PSMD1: variants seen among roughly 807,000 people sequenced by gnomAD.
The protein encoded by PSMD1 is proteasome 26S subunit, non-ATPase 1, also known as 26S proteasome non-ATPase regulatory subunit 1.
PSMD1 carries 18 observed loss-of-function variants against 119.0 expected under a neutral mutation model. The ratio of observed to expected loss-of-function variants is 0.15; its 90% CI spans 0.10 to 0.22. The LOEUF (loss-of-function observed/expected upper bound fraction) is 0.22, where lower values mean the gene tolerates loss of function less well. Among genes scored for constraint, PSMD1 ranks in the 10% least tolerant of loss-of-function variants. The probability of loss-of-function intolerance (pLI) is 1.00; values close to 1 mark genes in which losing one functional copy is unlikely to be tolerated. For missense variants in PSMD1, 702 were observed against 1,158.5 expected, an observed-to-expected ratio of 0.61 and a Z score of 5.72; for synonymous variants, 374 against 396.6, an observed-to-expected ratio of 0.94 and a Z score of 0.68.
intron 16 of PSMD1, chr2:231,123,849 A>G: frequency 1.8e-6 from 2 of 1,084,804 alleles, no homozygotes; most frequent in Non-Finnish European, 2.8e-6. Flanking sequence ...TTTTTAAGGC[A>G]TTGTAACCAT....
At chr2:231,145,631 C>T (rs957990455) in intron 17 of PSMD1, among the ~76,000 whole-genome samples, 5 of 152,002 alleles carry the variant, frequency 3.3e-5, no homozygotes, top group South Asian at 2.1e-4. Flanking sequence ...CAGTGGCTCA[C>T]GCCTATAATC....
intron 23 of PSMD1, among the ~76,000 whole-genome samples, chr2:231,167,791 C>G (rs757687542): frequency 5.9e-5 from 9 of 152,158 alleles, no homozygotes; most frequent in Non-Finnish European, 8.8e-5. Flanking sequence ...TCCTCCAACT[C>G]AACAATAAAA....
At chr2:231,106,408 C>T (rs1694975566) in intron 16 of PSMD1, among the ~76,000 whole-genome samples, 2 of 152,080 alleles carry the variant, frequency 1.3e-5, no homozygotes, top group Non-Finnish European at 2.9e-5. Context: ...AGCTTGGGGC[C>T]AGGAGTGGAG....
intron 19 of PSMD1, among the ~76,000 whole-genome samples, chr2:231,159,504 C>A (rs752668051): frequency 3.3e-5 from 5 of 152,238 alleles, no homozygotes; most frequent in Non-Finnish European, 7.3e-5. Context: ...CCCCCAGTAA[C>A]AAGCTCCCTT....
At chr2:231,091,978 T>C (rs922033064) in intron 16 of PSMD1, among the ~76,000 whole-genome samples, 1 of 152,184 alleles carries the variant, frequency 6.6e-6, no homozygotes, top group African/African-American at 2.4e-5. Context: ...TGCAAGAATC[T>C]TTTGATCTGT....
intron 16 of PSMD1, among the ~76,000 whole-genome samples, chr2:231,088,261 A>G (rs2125179021): frequency 6.6e-6 from 1 of 152,260 alleles, no homozygotes; most frequent in East Asian, 1.9e-4. Flanking sequence ...TAATAGATGT[A>G]ATAGTAGTTC....
At position 231,058,233 on chromosome 2, in the gene PSMD1, A is replaced by G. The variant is rs547304426; in HGVS notation, c.16+1192A>G. 2.0e-5 allele frequency among the ~76,000 whole-genome samples: 3 copies of G among 152,318 alleles called. No individual in the cohort carries two copies. In the East Asian group the frequency reaches 5.8e-4, roughly 29 times the overall value. On this transcript the variant is annotated intron_variant, in intron 1 of 24. Coordinates refer to ENST00000308696, the MANE Select transcript of PSMD1 (RefSeq NM_002807.4). ...TCTTGCCACCTATAGGCCTCATTCT[A>G]TTTCAAATCCATCCATTACCAATGT...
chr2:231,126,845 A>G (rs1333866846), intron 16 of PSMD1, among the ~76,000 whole-genome samples: 1 of 152,030 alleles, frequency 6.6e-6, no homozygotes, highest in East Asian at 1.9e-4. Flanking sequence ...GGCAATCTCA[A>G]GTTATGGGAA....
At chr2:231,100,354 T>A (rs1195952312) in intron 16 of PSMD1, among the ~76,000 whole-genome samples, 1 of 152,194 alleles carries the variant, frequency 6.6e-6, no homozygotes, top group African/African-American at 2.4e-5. Context: ...TGCTGCTGTG[T>A]CATTCCCCTG....
At chr2:231,117,609 T>C (rs553916349) in intron 16 of PSMD1, among the ~76,000 whole-genome samples, 4 of 152,270 alleles carry the variant, frequency 2.6e-5, no homozygotes, top group African/African-American at 9.6e-5. Context: ...TTGTTTAAAA[T>C]GAAGACTGCT....
chr2:231,108,626 A>G (rs1695039021), intron 16 of PSMD1: 2 of 1,613,950 alleles, frequency 1.2e-6, no homozygotes, highest in Non-Finnish European at 8.5e-7. Flanking sequence ...TCGGAGCCTC[A>G]TTGGACTCTG....
At position 231,161,516 on chromosome 2, in the gene PSMD1, C is replaced by G; in HGVS notation, c.2388+7C>G. 3.1e-6 allele frequency: 5 copies of G among 1,608,750 alleles called. No homozygotes were observed. In the South Asian group the frequency reaches 5.5e-5, roughly 18 times the overall value. ...CCTTAACAAGGACTTAAAGGTATGT[C>G]TGTGAGACCTCAGCTTTGTAGTATT... On this transcript the variant is annotated splice_region_variant and intron_variant, in intron 20 of 24. Transcript: ENST00000308696.
Position 231,099,946 on chromosome 2 carries a change from C to T in PSMD1, c.1883+12765C>T, listed in dbSNP as rs1025409185. Among the ~76,000 whole-genome samples, 85 of 152,210 alleles carry T rather than the reference C, an allele frequency of 5.6e-4. 1 individual carries two copies. The highest frequency in any genetic ancestry group is 1.8e-3 in the African/African-American group (76 of 41,530). On this transcript the variant is annotated intron_variant, in intron 16 of 24. Coordinates refer to ENST00000308696, the MANE Select transcript of PSMD1 (RefSeq NM_002807.4). The stretch of plus-strand genomic sequence containing the variant: ...TTCCTTGGTCTGTGCACAGAGTCAT[C>T]GCTGCAGTATGTGAAGATCCTTTAA...
chr2:231,134,357 C>T (rs980798059), intron 16 of PSMD1, among the ~76,000 whole-genome samples: 5 of 152,174 alleles, frequency 3.3e-5, no homozygotes, highest in Non-Finnish European at 7.3e-5. Context: ...TTTAGAACCG[C>T]TGTATCAGAC....
At chr2:231,131,518 T>C (rs1695852939) in intron 16 of PSMD1, among the ~76,000 whole-genome samples, 1 of 46,390 alleles carries the variant, frequency 2.2e-5, no homozygotes. Flanking sequence ...ATCCCAGCAC[T>C]TTGGGAGGCC....
intron 8 of PSMD1, 58 bp downstream of exon 8, chr2:231,075,629 G>C: frequency 2.6e-6 from 4 of 1,513,430 alleles, no homozygotes; most frequent in Non-Finnish European, 3.6e-6. Context: ...ACCCAGGCTA[G>C]AACGCAGTGG....
chr2:231,161,846 A>G (rs1696648793), intron 20 of PSMD1, among the ~76,000 whole-genome samples: 1 of 152,246 alleles, frequency 6.6e-6, no homozygotes, highest in African/African-American at 2.4e-5. Flanking sequence ...AGGATTTCAA[A>G]TGATAAATGA....
intron 14 of PSMD1, 84 bp downstream of exon 14, chr2:231,083,847 C>T (rs1288214952): frequency 2.3e-6 from 3 of 1,322,484 alleles, no homozygotes; most frequent in Non-Finnish European, 3.2e-6. Flanking sequence ...ACTCTGTTCC[C>T]ATCAGAACAT....
At chr2:231,097,130 A>G (rs920676682) in intron 16 of PSMD1, among the ~76,000 whole-genome samples, 1 of 152,184 alleles carries the variant, frequency 6.6e-6, no homozygotes, top group Non-Finnish European at 1.5e-5. Flanking sequence ...ATTTTCCAAA[A>G]GAAGAAGCTT....
Sources: gnomAD v4.1 joint callset for allele counts (sites outside exome capture counted in the v4.1 genomes callset) on GRCh38, gnomAD v4.1.1 for gene constraint, MANE v1.5 for transcripts, NCBI Gene and HGNC (gene_info 2026-07-23, HGNC 2026-07-21) for gene names.